The following DNAJC17 variants were observed in gnomAD, a reference collection of about 807,000 sequenced individuals.
The protein encoded by DNAJC17 is DnaJ heat shock protein family (Hsp40) member C17, also known as dnaJ homolog subfamily C member 17.
Under a neutral mutation model 48.1 loss-of-function variants are expected in DNAJC17, and 35 were observed. That is an observed-to-expected ratio of 0.73 (90% CI 0.56 to 0.96). The LOEUF is 0.96. Among genes scored for constraint, DNAJC17 ranks in the 50% least tolerant of loss-of-function variants. DNAJC17 has a pLI of 0.00. For missense variants in DNAJC17, 355 were observed against 377.1 expected (o/e 0.94, Z 0.48); for synonymous variants, 117 against 142.7 (o/e 0.82, Z 1.28).
At position 40,777,444 on chromosome 15, in the gene DNAJC17, C is replaced by T. The variant is rs531568460; in HGVS notation, c.296-817G>A. Among the ~76,000 whole-genome samples, 29 of 152,090 alleles carry T rather than the reference C, an allele frequency of 1.9e-4. 1 individual carries two copies. In the South Asian group the frequency reaches 6.0e-3, roughly 32 times the overall value. On this transcript the variant is annotated intron_variant, in intron 4 of 10. Transcript: ENST00000220496. ...TAAAGAATGCTTGGACTGGGCCAGG[C>T]GCGGTGGCTCACGCCTGTAATCCCA... is the stretch of plus-strand genomic sequence containing the variant.
chr15:40,779,041 CT>C (rs1889405591), intron 4 of DNAJC17, 181 bp downstream of exon 4: 1 of 683,072 alleles, frequency 1.5e-6, no homozygotes, highest in Admixed American at 2.1e-5. Context: ...AATATTAAAC[CT>C]TATTATTGTT....
intron 1 of DNAJC17, among the ~76,000 whole-genome samples, chr15:40,805,412 T>C (rs1596105825): frequency 6.8e-6 from 1 of 147,040 alleles, no homozygotes; most frequent in Non-Finnish European, 1.5e-5. Context: ...CCGGGCGTGG[T>C]GGTACATGCC....
chr15:40,781,047 C>T (rs1889472217), intron 1 of DNAJC17, among the ~76,000 whole-genome samples: 2 of 148,666 alleles, frequency 1.3e-5, no homozygotes, highest in Middle Eastern at 3.5e-3. Flanking sequence ...ACTTGGGAGG[C>T]TGAGGCATGA....
Position 40,776,646 on chromosome 15 carries a change from T to G in DNAJC17, c.296-19A>C, listed in dbSNP as rs1443783754. 3 of 1,613,364 alleles carry G rather than the reference T, an allele frequency of 1.9e-6. No homozygotes were observed. Among genetic ancestry groups the G allele is most frequent in the South Asian group, 2.2e-5 (2 of 91,078 alleles). The stretch of plus-strand genomic sequence containing the variant: ...TCCAGGTCTAGACACAAGGGTTGAA[T>G]GACCAGACTGCTGGTCTGTTCAGTT... On this transcript the variant is annotated intron_variant, in intron 4 of 10. Coordinates refer to ENST00000220496, the MANE Select transcript of DNAJC17 (RefSeq NM_018163.3).
rs754542485 is a variant in DNAJC17 at position 40,772,959 on chromosome 15, C to CTTT, written c.792+765_792+767dup. Among the ~76,000 whole-genome samples the CTTT allele has an allele frequency of 4.3e-3, 568 of 133,586 alleles. 11 individuals carry two copies. Among genetic ancestry groups the CTTT allele is most frequent in the African/African-American group, 0.015 (545 of 35,602 alleles). 87.6% of individuals were successfully genotyped at this position (133,586 alleles called of 152,430 possible). A position where few individuals can be genotyped will look rare whatever the true frequency, so the allele number is the denominator to read the frequency against. On this transcript the variant is annotated intron_variant, in intron 10 of 10. Coordinates refer to ENST00000220496, the MANE Select transcript of DNAJC17 (RefSeq NM_018163.3). ...GTCAGCAGGGTAGCCAGAGTTCCTT[C>CTTT]TTTTTTTTTTTTTTTTTTTGAGATG...
In DNAJC17 at chr15:40,780,000, GGAAGAGTCA is replaced by G; in HGVS notation, c.79-12_79-4del. ...TTCTGCCTATACGCCTTCTTTACCTGGAAGAGTCAGACAGAAGACATGGCCATTCACTCT... is the reference window on the plus strand; with the variant it reads ...TTCTGCCTATACGCCTTCTTTACCTGGACAGAAGACATGGCCATTCACTCT... On this transcript the variant is annotated splice_polypyrimidine_tract_variant and splice_region_variant and intron_variant, in intron 1 of 10. Coordinates refer to ENST00000220496, the MANE Select transcript of DNAJC17 (RefSeq NM_018163.3). The G allele has an allele frequency of 6.2e-7, 1 of 1,613,822 alleles. No individual in the cohort carries two copies. Among genetic ancestry groups the G allele is most frequent in the Non-Finnish European group, 8.5e-7 (1 of 1,179,898 alleles).
chr15:40,779,946 G>A lies in DNAJC17; in HGVS notation c.130C>T (p.Pro44Ser). Residue 44 changes from proline (P) to serine (S), a missense_variant, in exon 2 of 11, where the codon CCA becomes TCA. Around this residue, in one of 3 missense-constraint regions of DNAJC17, gnomAD observed 199 missense variants for 199.9 expected, o/e 1.00. Coordinates refer to ENST00000220496, the MANE Select transcript of DNAJC17 (RefSeq NM_018163.3). ...GTCTCACCTGCTCTGGGATTATCTG[G>A]ATTTTTGTCTGGGTGGCAGGAGAGG... ...KALSCHPDKN[P>S]DNPRAAELFH... The A allele has an allele frequency of 6.2e-7, 1 of 1,614,140 alleles. No homozygotes were observed. The highest frequency in any genetic ancestry group is 8.5e-7 in the Non-Finnish European group (1 of 1,180,022).
intron 1 of DNAJC17, among the ~76,000 whole-genome samples, chr15:40,781,976 C>T (rs1367300818): frequency 6.6e-6 from 1 of 151,960 alleles, no homozygotes; most frequent in Non-Finnish European, 1.5e-5. Flanking sequence ...GTAGTCCCAG[C>T]TACTCAGGCG....
intron 4 of DNAJC17, 103 bp from the exon 5 acceptor site, chr15:40,776,730 G>C: frequency 8.9e-7 from 1 of 1,129,520 alleles, no homozygotes; most frequent in South Asian, 1.3e-5. Flanking sequence ...CAATCACGAC[G>C]AGATCATACA....
At chr15:40,798,315 G>A (rs116880054) in intron 1 of DNAJC17, among the ~76,000 whole-genome samples, 1,745 of 152,262 alleles carry the variant, frequency 0.011, 15 homozygotes, top group Non-Finnish European at 0.019. Flanking sequence ...GAGAAAGAAA[G>A]TAGAAGAGTG....
intron 10 of DNAJC17, chr15:40,772,102 A>AT (rs1298449738): frequency 6.0e-6 from 1 of 167,044 alleles, no homozygotes; most frequent in African/African-American, 2.4e-5. Context: ...TCAACAGCGA[A>AT]GCGGCACAGC....
intron 1 of DNAJC17, among the ~76,000 whole-genome samples, chr15:40,799,554 G>C (rs1230446019): frequency 6.6e-6 from 1 of 152,182 alleles, no homozygotes; most frequent in Non-Finnish European, 1.5e-5. Flanking sequence ...CTTGAAGAGG[G>C]ATGAGCAGAT....
chr15:40,785,787 T>C (rs1482259022), intron 1 of DNAJC17, among the ~76,000 whole-genome samples: 1 of 152,240 alleles, frequency 6.6e-6, no homozygotes, highest in Non-Finnish European at 1.5e-5. Flanking sequence ...CCAGGGTCTC[T>C]GAAATACTCT....
At chr15:40,783,877 A>G (rs1344022377) in intron 1 of DNAJC17, among the ~76,000 whole-genome samples, 1 of 152,012 alleles carries the variant, frequency 6.6e-6, no homozygotes, top group African/African-American at 2.4e-5. Context: ...AAATAAAATA[A>G]AAGTTTGTAT....
intron 1 of DNAJC17, among the ~76,000 whole-genome samples, chr15:40,796,975 C>T (rs549285500): frequency 6.6e-6 from 1 of 152,128 alleles, no homozygotes; most frequent in East Asian, 1.9e-4. Context: ...CCGTGTTGCT[C>T]AGGCTGATCT....
At chr15:40,781,561 AT>A (rs201843583) in intron 1 of DNAJC17, among the ~76,000 whole-genome samples, 5 of 152,040 alleles carry the variant, frequency 3.3e-5, no homozygotes, top group Admixed American at 6.6e-5. Context: ...GCTTATTAAA[AT>A]TTTTTTTAAA....
In DNAJC17 at chr15:40,769,226, C is replaced by T. The variant is rs570097423; in HGVS notation, c.793-1164G>A. 3.7e-4 allele frequency among the ~76,000 whole-genome samples: 57 copies of T among 152,308 alleles called. No homozygotes were observed. In the South Asian group the frequency reaches 0.011, roughly 28 times the overall value. On this transcript the variant is annotated intron_variant, in intron 10 of 10. Coordinates refer to ENST00000220496, the MANE Select transcript of DNAJC17 (RefSeq NM_018163.3). The surrounding 1 kb of genome is among the most constrained non-coding windows in gnomAD (Gnocchi z 4.2). ...GGCCCAGAGCACGGCTGACAATTCA[C>T]GGCAGCCTCCCTGGCCCAGCCTCCT...
rs562134498 is a variant in DNAJC17 at position 40,788,493 on chromosome 15, G to C, written c.79-8496C>G. On this transcript the variant is annotated intron_variant, in intron 1 of 10. Transcript: ENST00000220496. ...GGGTGGATCATGAGGTCAGGAGATC[G>C]AGACCATCCTGGCTAACACGGTGAA... is the stretch of plus-strand genomic sequence containing the variant. 1.1e-4 allele frequency among the ~76,000 whole-genome samples: 17 copies of C among 152,220 alleles called. No individual in the cohort carries two copies. In the East Asian group the frequency reaches 3.3e-3, roughly 29 times the overall value.
chr15:40,801,401 G>T (rs1890068230), intron 1 of DNAJC17, among the ~76,000 whole-genome samples: 1 of 152,228 alleles, frequency 6.6e-6, no homozygotes, highest in African/African-American at 2.4e-5. Context: ...AAGCAACCCA[G>T]ATTAGCAGAA....
Sources: gnomAD v4.1 joint callset for allele counts (sites outside exome capture counted in the v4.1 genomes callset) on GRCh38, gnomAD v4.1.1 for gene constraint, gnomAD v4.1.1 regional missense constraint, Gnocchi (gnomAD v3.1) non-coding constraint, MANE v1.5 for transcripts, NCBI Gene and HGNC (gene_info 2026-07-23, HGNC 2026-07-21) for gene names.